Variants in TAFA2 observed in about 807,000 individuals in gnomAD.
TAFA2 encodes TAFA chemokine like family member 2.
A neutral mutation model predicts 18.8 loss-of-function variants in TAFA2; 7 were observed. That is an observed-to-expected ratio of 0.37 (90% CI 0.21 to 0.70). The LOEUF (loss-of-function observed/expected upper bound fraction) is 0.70, where lower values mean the gene tolerates loss of function less well. Among genes scored for constraint, TAFA2 ranks in the 30% least tolerant of loss-of-function variants. TAFA2 has a pLI of 0.53. For synonymous variants in TAFA2, 60 were observed against 54.2 expected, an observed-to-expected ratio of 1.11 and a Z score of -0.47; for missense variants, 122 against 158.1, an observed-to-expected ratio of 0.77 and a Z score of 1.23.
chr12:62,058,589 T>C (rs1882248183), intron 1 of TAFA2, among the ~76,000 whole-genome samples: 1 of 150,862 alleles, frequency 6.6e-6, no homozygotes, highest in Admixed American at 6.7e-5. Flanking sequence ...CTGTGTTTCA[T>C]ATCCTGCCCT....
At chr12:61,897,812 C>G (rs971071839) in intron 1 of TAFA2, among the ~76,000 whole-genome samples, 1 of 152,172 alleles carries the variant, frequency 6.6e-6, no homozygotes, top group African/African-American at 2.4e-5. Flanking sequence ...ACCTATCATG[C>G]CTTCCCAACA....
intron 2 of TAFA2, among the ~76,000 whole-genome samples, chr12:61,787,388 G>A (rs980032106): frequency 1.3e-5 from 2 of 151,520 alleles, no homozygotes; most frequent in South Asian, 2.1e-4. Context: ...AGTAGTAGAC[G>A]TAAGTTTATA....
intron 2 of TAFA2, among the ~76,000 whole-genome samples, chr12:61,758,340 T>C (rs891912968): frequency 6.6e-6 from 1 of 151,752 alleles, no homozygotes; most frequent in Non-Finnish European, 1.5e-5. Context: ...TTTGCTGGAG[T>C]GATCTAGTAG....
At chr12:61,780,130 T>C (rs933499756) in intron 2 of TAFA2, among the ~76,000 whole-genome samples, 1 of 142,830 alleles carries the variant, frequency 7.0e-6, no homozygotes, top group African/African-American at 2.5e-5. Flanking sequence ...TCACAGGACA[T>C]ATGGAAGAGA....
intron 4 of TAFA2, among the ~76,000 whole-genome samples, chr12:61,722,243 T>C (rs996368765): frequency 1.3e-5 from 2 of 152,174 alleles, no homozygotes; most frequent in African/African-American, 4.8e-5. Flanking sequence ...AGACTAATCA[T>C]GTAATTAGAA....
At chr12:61,721,275 G>A (rs6581419) in intron 4 of TAFA2, among the ~76,000 whole-genome samples, 130,216 of 152,208 alleles carry the variant, frequency 0.86, 55,682 homozygotes, top group African/African-American at 0.88. Flanking sequence ...GGAAGAAAGT[G>A]GACAGAAATC....
chr12:62,069,940 C>T (rs1156799304), intron 1 of TAFA2, among the ~76,000 whole-genome samples: 3 of 152,168 alleles, frequency 2.0e-5, no homozygotes, highest in South Asian at 2.1e-4. Flanking sequence ...TATAATGTTG[C>T]AAGGTGGCCT....
chr12:62,150,933 G>C (rs1315161930), intron 1 of TAFA2, among the ~76,000 whole-genome samples: 2 of 151,050 alleles, frequency 1.3e-5, no homozygotes, highest in South Asian at 4.2e-4. Flanking sequence ...CTTATCAATG[G>C]ATGGGGCTGG....
intron 1 of TAFA2, among the ~76,000 whole-genome samples, chr12:62,102,901 CT>C (rs1869273294): frequency 6.6e-6 from 1 of 152,178 alleles, no homozygotes; most frequent in Non-Finnish European, 1.5e-5. Flanking sequence ...GCCTTTGTAT[CT>C]GTCTTATCAG....
Position 62,081,986 on chromosome 12 carries a change from C to T in TAFA2, c.-2+109273G>A, listed in dbSNP as rs11174301. ...CAGGCCCCAGTGTATGTTGTTACCC[C>T]CATGTGTCCATGTGTTCTCATTGTT... On this transcript the variant is annotated intron_variant, in intron 1 of 4. Coordinates refer to ENST00000416284, the MANE Select transcript of TAFA2 (RefSeq NM_178539.5). 3.0e-4 allele frequency among the ~76,000 whole-genome samples: 46 copies of T among 151,988 alleles called. No individual in the cohort carries two copies. The East Asian group carries it at 8.6e-3, about 28-fold the overall frequency.
intron 1 of TAFA2, among the ~76,000 whole-genome samples, chr12:62,040,005 T>C (rs1881715702): frequency 6.6e-6 from 1 of 152,184 alleles, no homozygotes; most frequent in Non-Finnish European, 1.5e-5. Flanking sequence ...CAGGGTTGCT[T>C]CTAGATGTTC....
chr12:62,132,766 T>C (rs1252012685), intron 1 of TAFA2, among the ~76,000 whole-genome samples: 4 of 151,958 alleles, frequency 2.6e-5, no homozygotes, highest in Non-Finnish European at 5.9e-5. Context: ...ATCTGTGATA[T>C]GATTTTTCAA....
intron 2 of TAFA2, among the ~76,000 whole-genome samples, chr12:61,809,399 T>C (rs1871766560): frequency 6.6e-6 from 1 of 151,496 alleles, no homozygotes; most frequent in Admixed American, 6.6e-5. Context: ...TCAATAAATG[T>C]TAGTTATTAT....
At chr12:62,162,266 A>T (rs919302884) in intron 1 of TAFA2, among the ~76,000 whole-genome samples, 2 of 152,202 alleles carry the variant, frequency 1.3e-5, no homozygotes, top group Non-Finnish European at 2.9e-5. Context: ...CATCATAAAT[A>T]TGTGAGAAAT....
At chr12:61,911,079 T>G (rs10784273) in intron 1 of TAFA2, among the ~76,000 whole-genome samples, 120,281 of 152,160 alleles carry the variant, frequency 0.79, 48,061 homozygotes, top group East Asian at 0.91. Context: ...CCTCACAATT[T>G]TCAGAAGAAA....
At chr12:61,883,924 G>C (rs1875256209) in intron 1 of TAFA2, among the ~76,000 whole-genome samples, 1 of 152,166 alleles carries the variant, frequency 6.6e-6, no homozygotes. Context: ...CCACAGTTTT[G>C]ATTGTTGCAT....
At chr12:61,825,406 T>C (rs1872502820) in intron 2 of TAFA2, among the ~76,000 whole-genome samples, 1 of 152,092 alleles carries the variant, frequency 6.6e-6, no homozygotes, top group African/African-American at 2.4e-5. Context: ...AGAGGCAGTA[T>C]TGGTTTGTGG....
chr12:62,122,315 G>T (rs1159335106), intron 1 of TAFA2, among the ~76,000 whole-genome samples: 1 of 152,096 alleles, frequency 6.6e-6, no homozygotes, highest in African/African-American at 2.4e-5. Context: ...AAGAGCAAAA[G>T]ACAAAGTAGT....
intron 4 of TAFA2, among the ~76,000 whole-genome samples, chr12:61,736,898 C>T (rs1393347535): frequency 6.6e-6 from 1 of 151,900 alleles, no homozygotes; most frequent in East Asian, 1.9e-4. Context: ...TAAATCACAT[C>T]AAGTTGCTAA....
Sources: gnomAD v4.1 joint callset for allele counts (sites outside exome capture counted in the v4.1 genomes callset) on GRCh38, gnomAD v4.1.1 for gene constraint, MANE v1.5 for transcripts, NCBI Gene and HGNC (gene_info 2026-07-23, HGNC 2026-07-21) for gene names.